Variants in CLCA4 observed in about 807,000 individuals in gnomAD.
CLCA4 encodes the protein calcium-activated chloride channel regulator 4.
In CLCA4, 69 loss-of-function variants were observed where a neutral mutation model predicts 78.9. That is an observed-to-expected ratio of 0.87 (90% confidence interval 0.72 to 1.07). The LOEUF is 1.07. CLCA4 is among the 50% of genes least tolerant of loss of function. CLCA4 has a pLI of 0.00. For missense variants in CLCA4, 1,133 were observed against 1,095.8 expected (o/e 1.03, Z -0.48); for synonymous variants, 362 against 375.8 (o/e 0.96, Z 0.42).
chr1:86,579,960 G>A lies in CLCA4; in HGVS notation c.2375G>A (p.Arg792Lys), dbSNP rs762385569. 3.8e-6 allele frequency: 6 copies of A among 1,590,790 alleles called. No homozygotes were observed. The South Asian group carries it at 6.9e-5, about 18-fold the overall frequency. ...TTCTCAGTTCAACGTTATATCATAA[G>A]AATAAGTGCAAGTATTCTTGATCTA... is the stretch of plus-strand genomic sequence containing the variant. Reference protein sequence around the residue: ...DVGKVQRYIIRISASILDLRD... With the variant: ...DVGKVQRYIIKISASILDLRD... Residue 792 changes from arginine to lysine, a missense_variant, in exon 14 of 14, where the codon AGA (arginine) becomes AAA (lysine). Coordinates refer to ENST00000370563, the MANE Select transcript of CLCA4 (RefSeq NM_012128.4).
At chr1:86,578,108 T>C in intron 12 of CLCA4, 36 bp downstream of exon 12, 2 of 1,565,132 alleles carry the variant, frequency 1.3e-6, no homozygotes, top group Non-Finnish European at 1.7e-6. Context: ...CCAGTGATAG[T>C]TTGAACAATA....
intron 10 of CLCA4, 33 bp downstream of exon 10, chr1:86,574,788 AT>A (rs1558197643): frequency 8.0e-6 from 12 of 1,493,944 alleles, no homozygotes; most frequent in Non-Finnish European, 1.1e-5. Flanking sequence ...TCCTGTCAAC[AT>A]TTTTAAAAAA....
At chr1:86,554,467 G>T (rs957834013) in intron 1 of CLCA4, among the ~76,000 whole-genome samples, 1 of 152,142 alleles carries the variant, frequency 6.6e-6, no homozygotes, top group African/African-American at 2.4e-5. Flanking sequence ...GTTTCACCAT[G>T]TTGCACAGGC....
chr1:86,580,357 G>C lies in CLCA4; in HGVS notation c.*12G>C. The C allele has an allele frequency of 6.5e-7, 1 of 1,539,168 alleles. No individual in the cohort carries two copies. Among genetic ancestry groups the C allele is most frequent in the Non-Finnish European group, 8.7e-7 (1 of 1,149,522 alleles). ...GTACCACCATTTGAACCTTAACGAA[G>C]AAAAAAATCTTCAAGTAGACCTAGA... On this transcript the variant is annotated 3_prime_UTR_variant, in exon 14 of 14. Coordinates refer to ENST00000370563, the MANE Select transcript of CLCA4 (RefSeq NM_012128.4).
intron 1 of CLCA4, among the ~76,000 whole-genome samples, chr1:86,558,763 C>A (rs116294945): frequency 0.025 from 3,867 of 152,174 alleles, 150 homozygotes; most frequent in African/African-American, 0.088. Context: ...AAGACCACCC[C>A]CATGATTCAA....
intron 6 of CLCA4, among the ~76,000 whole-genome samples, chr1:86,566,605 T>A (rs369739037): frequency 6.6e-6 from 1 of 151,878 alleles, no homozygotes; most frequent in East Asian, 1.9e-4. Context: ...GGGCAGAGAA[T>A]GATAGAACTG....
At chr1:86,553,398 A>G in intron 1 of CLCA4, 1 of 464,252 alleles carries the variant, frequency 2.2e-6, no homozygotes, top group Non-Finnish European at 3.9e-6. Flanking sequence ...TCCCACACGA[A>G]GGCCACAGAA....
At position 86,567,576 on chromosome 1, in the gene CLCA4, C is replaced by A; in HGVS notation, c.1107C>A (p.Asn369Lys). The A allele has an allele frequency of 6.2e-7, 1 of 1,613,308 alleles. No individual in the cohort carries two copies. Among genetic ancestry groups the A allele is most frequent in the Non-Finnish European group, 8.5e-7 (1 of 1,179,454 alleles). The change falls in exon 7 of 14, where the codon AAC becomes AAA. Residue 369 changes from asparagine (N) to lysine (K), a missense_variant. Physicochemically the swap from Asn to Lys is moderately conservative, Grantham distance 94. Coordinates refer to ENST00000370563, the MANE Select transcript of CLCA4 (RefSeq NM_012128.4). ...LIQIKSSDERNTLMAGLPTYP... is the reference protein window; with the variant it reads ...LIQIKSSDERKTLMAGLPTYP... ...AAATAAAAAGCAGTGATGAAAGAAA[C>A]ACACTCATGGCAGGATTACCTACAT... is the stretch of plus-strand genomic sequence containing the variant.
Position 86,567,600 on chromosome 1 carries a change from A to G in CLCA4, c.1131A>G (p.Thr377=). Residue 377 remains threonine, a synonymous_variant, in exon 7 of 14, where the codon ACA becomes ACG. Transcript: ENST00000370563. ...ERNTLMAGLP[T]YPLGGTSICS... ...ACACACTCATGGCAGGATTACCTAC[A>G]TATCCTCTGGGAGGAACTTCCATCT... 1 of 1,613,174 alleles carries G rather than the reference A, an allele frequency of 6.2e-7. No individual in the cohort carries two copies. The highest frequency in any genetic ancestry group is 8.5e-7 in the Non-Finnish European group (1 of 1,179,354).
At chr1:86,563,558 C>T (rs912621489) in intron 3 of CLCA4, 103 bp from the exon 4 acceptor site, 3 of 543,784 alleles carry the variant, frequency 5.5e-6, no homozygotes, top group South Asian at 4.2e-5. Context: ...TGTTGAAAAC[C>T]GAAATCTAAA....
chr1:86,557,906 T>G (rs1378024505), intron 1 of CLCA4, among the ~76,000 whole-genome samples: 1 of 152,196 alleles, frequency 6.6e-6, no homozygotes, highest in Admixed American at 6.5e-5. Context: ...AGTTAGAGCT[T>G]CTTGTTAAAA....
intron 11 of CLCA4, among the ~76,000 whole-genome samples, chr1:86,576,359 C>T (rs1183271076): frequency 6.6e-6 from 1 of 151,716 alleles, no homozygotes; most frequent in African/African-American, 2.4e-5. Context: ...GAGAAAAGGT[C>T]AACAAAAGAG....
rs139966138 is a variant in CLCA4, at chr1:86,558,464, T to G, written c.160-1468T>G. Among the ~76,000 whole-genome samples the G allele has an allele frequency of 1.7e-3, 258 of 152,318 alleles. 1 individual carries two copies. Among genetic ancestry groups the G allele is most frequent in the Middle Eastern group, 0.014 (4 of 294 alleles). ...GGATATGAAATACTTGGTTGAAGAT[T>G]ATTGTATTTAAGAATGCTGAATAAA... On this transcript the variant is annotated intron_variant, in intron 1 of 13. Transcript: ENST00000370563.
chr1:86,569,529 G>T (rs1034320718), intron 7 of CLCA4, among the ~76,000 whole-genome samples: 3 of 151,914 alleles, frequency 2.0e-5, no homozygotes, highest in African/African-American at 7.2e-5. Context: ...TTATGTTCCA[G>T]GAAGATGATT....
At chr1:86,571,650 CA>C (rs1553194262) in intron 8 of CLCA4, among the ~76,000 whole-genome samples, 1 of 151,764 alleles carries the variant, frequency 6.6e-6, no homozygotes, top group African/African-American at 2.4e-5. Context: ...AAGTCATGAG[CA>C]AAAAACATCA....
chr1:86,579,717 G>C (rs552440634), intron 13 of CLCA4, 130 bp downstream of exon 13: 3 of 751,016 alleles, frequency 4.0e-6, no homozygotes, highest in Non-Finnish European at 6.5e-6. Context: ...TTTATAATCT[G>C]ATATTTTTTA....
At chr1:86,579,207 G>T in intron 12 of CLCA4, 147 bp from the exon 13 acceptor site, 2 of 636,608 alleles carry the variant, frequency 3.1e-6, no homozygotes, top group Non-Finnish European at 5.5e-6. Flanking sequence ...CTCACCAGTT[G>T]GGCGCTTATG....
At chr1:86,567,310 C>A (rs1650226912) in intron 6 of CLCA4, 114 bp from the exon 7 acceptor site, 2 of 889,122 alleles carry the variant, frequency 2.2e-6, no homozygotes, top group Non-Finnish European at 3.4e-6. Flanking sequence ...TTAACAACAT[C>A]AATTACCATT....
At chr1:86,560,601 C>A (rs1321678) in intron 3 of CLCA4, among the ~76,000 whole-genome samples, 2 of 152,172 alleles carry the variant, frequency 1.3e-5, no homozygotes, top group African/African-American at 4.8e-5. Context: ...AGAATCCAGA[C>A]AAATATACTC....
Sources: allele counts gnomAD v4.1 joint callset (sites outside exome capture counted in the v4.1 genomes callset), GRCh38; gene constraint gnomAD v4.1.1; transcripts MANE v1.5; gene names NCBI Gene and HGNC (gene_info 2026-07-23, HGNC 2026-07-21).